TRAPPC13: variants seen among roughly 807,000 people sequenced by gnomAD.
The protein encoded by TRAPPC13 is REV7-interacting novel NHEJ regulator 1.
Under a neutral mutation model 54.0 loss-of-function variants are expected in TRAPPC13, and 39 were observed. The ratio of observed to expected loss-of-function variants is 0.72; its 90% CI spans 0.56 to 0.94. The LOEUF is 0.94. Ranked by LOEUF, TRAPPC13 falls within the 40% of genes least tolerant of loss-of-function variation. The pLI, the probability that TRAPPC13 is intolerant of heterozygous loss-of-function variation, is 0.00. For synonymous variants in TRAPPC13, 148 were observed against 167.7 expected (o/e 0.88, Z 0.91); for missense variants, 386 against 488.1 (o/e 0.79, Z 1.97).
At chr5:65,630,231 G>C in intron 1 of TRAPPC13, 1 of 1,535,874 alleles carries the variant, frequency 6.5e-7, no homozygotes. Flanking sequence ...TGGGTGTTCT[G>C]TGATATTATG....
intron 1 of TRAPPC13, among the ~76,000 whole-genome samples, chr5:65,633,878 A>T (rs1162669614): frequency 6.6e-6 from 1 of 150,900 alleles, no homozygotes; most frequent in African/African-American, 2.4e-5. Context: ...TTTGCACCTT[A>T]TAATGAATAA....
At chr5:65,630,050 A>G in intron 1 of TRAPPC13, 2 of 1,536,110 alleles carry the variant, frequency 1.3e-6, no homozygotes, top group African/African-American at 2.7e-5. Flanking sequence ...ATTGCAAGAT[A>G]GTTTAAAGGC....
At chr5:65,629,647 A>G in intron 1 of TRAPPC13, 7 of 1,536,084 alleles carry the variant, frequency 4.6e-6, no homozygotes, top group Non-Finnish European at 6.1e-6. Context: ...CACAACTGCC[A>G]AAAATTGCAG....
intron 1 of TRAPPC13, among the ~76,000 whole-genome samples, chr5:65,631,914 G>A (rs200072360): frequency 5.5e-4 from 79 of 143,924 alleles, no homozygotes; most frequent in Non-Finnish European, 5.8e-4. Context: ...AGGACACTAA[G>A]AAAAAAAAAA....
intron 1 of TRAPPC13, 55 bp downstream of exon 1, chr5:65,625,161 A>AT: frequency 6.9e-7 from 1 of 1,459,558 alleles, no homozygotes; most frequent in Non-Finnish European, 9.6e-7. Flanking sequence ...TTCCCTACTT[A>AT]TCGAAGCCTT....
At chr5:65,648,989 G>A (rs1756312002) in intron 5 of TRAPPC13, among the ~76,000 whole-genome samples, 1 of 152,110 alleles carries the variant, frequency 6.6e-6, no homozygotes, top group Admixed American at 6.5e-5. Context: ...GCTAAGGTGG[G>A]CAGATCGCTT....
chr5:65,630,268 TAAAG>T, intron 1 of TRAPPC13: 3 of 1,535,368 alleles, frequency 2.0e-6, no homozygotes, highest in Non-Finnish European at 1.7e-6. Context: ...GAAGTCTTCT[TAAAG>T]GAAGATTAGC....
In TRAPPC13 at chr5:65,662,461, G is replaced by T. The variant is rs148790220; in HGVS notation, c.998+311G>T. ...AGGTTCTTATGTATTAATATATTAT[G>T]AATTGAAGTAGCAAGATTTTTTGAG... On this transcript the variant is annotated intron_variant, in intron 11 of 12. Transcript: ENST00000399438. The T allele has an allele frequency of 1.0e-3, 177 of 174,052 alleles. 1 individual carries two copies. Among genetic ancestry groups the T allele is most frequent in the Non-Finnish European group, 1.7e-3 (143 of 83,210 alleles). 10.8% of individuals were successfully genotyped at this position (174,052 alleles called of 1,614,324 possible).
chr5:65,658,121 A>G (rs185390891), intron 8 of TRAPPC13: 21 of 329,840 alleles, frequency 6.4e-5, no homozygotes, highest in Admixed American at 2.9e-4. Context: ...ATGTTAAGAC[A>G]AAATATAGTT....
intron 4 of TRAPPC13, 59 bp from the exon 5 acceptor site, chr5:65,646,996 C>T (rs1756236880): frequency 2.0e-6 from 3 of 1,463,440 alleles, no homozygotes; most frequent in South Asian, 1.4e-5. Context: ...TAGCCATGCA[C>T]ACCCTGTAGG....
chr5:65,639,377 A>G lies in TRAPPC13; in HGVS notation c.300+1597A>G, dbSNP rs144516616. The stretch of plus-strand genomic sequence containing the variant: ...AAAATTAATTAAGAAAAAAAAAAAC[A>G]GGCCTGGCACAGTGGCTCATACCCA... On this transcript the variant is annotated intron_variant, in intron 4 of 12. Transcript: ENST00000399438. Among the ~76,000 whole-genome samples the G allele has an allele frequency of 2.0e-5, 3 of 152,042 alleles. No homozygotes were observed. In the East Asian group the frequency reaches 5.8e-4, roughly 29 times the overall value.
chr5:65,655,878 A>G (rs1756633195), intron 8 of TRAPPC13, among the ~76,000 whole-genome samples: 1 of 151,872 alleles, frequency 6.6e-6, no homozygotes, highest in African/African-American at 2.4e-5. Context: ...TCATACTGAA[A>G]CAATTCTCAT....
At chr5:65,627,197 G>C (rs1278274042) in intron 1 of TRAPPC13, among the ~76,000 whole-genome samples, 2 of 139,964 alleles carry the variant, frequency 1.4e-5, no homozygotes, top group African/African-American at 2.6e-5. Context: ...CTTCAAAATT[G>C]ACTGATAGTT....
chr5:65,659,285 C>G (rs1263055412), intron 9 of TRAPPC13, among the ~76,000 whole-genome samples: 1 of 152,132 alleles, frequency 6.6e-6, no homozygotes, highest in African/African-American at 2.4e-5. Context: ...TAACATGTAT[C>G]CACCATTACT....
intron 4 of TRAPPC13, among the ~76,000 whole-genome samples, chr5:65,642,628 CT>C (rs1430231638): frequency 6.6e-6 from 1 of 151,820 alleles, no homozygotes; most frequent in African/African-American, 2.4e-5. Context: ...TGATTCACTG[CT>C]TTTTATATCC....
At chr5:65,627,185 T>C (rs1206837826) in intron 1 of TRAPPC13, among the ~76,000 whole-genome samples, 1 of 142,064 alleles carries the variant, frequency 7.0e-6, no homozygotes, top group East Asian at 2.0e-4. Context: ...AACGGACAAG[T>C]GCTTCAAAAT....
chr5:65,633,561 C>T (rs7735098), intron 1 of TRAPPC13, among the ~76,000 whole-genome samples: 5,000 of 152,266 alleles, frequency 0.033, 272 homozygotes, highest in African/African-American at 0.11. Context: ...AGCCACTGTG[C>T]CCAGCCAGAT....
intron 4 of TRAPPC13, among the ~76,000 whole-genome samples, chr5:65,646,605 C>T (rs1026682427): frequency 6.6e-6 from 1 of 151,976 alleles, no homozygotes; most frequent in African/African-American, 2.4e-5. Context: ...TCCTAGTATA[C>T]ACATAAAATG....
At chr5:65,646,129 A>C (rs1209274921) in intron 4 of TRAPPC13, among the ~76,000 whole-genome samples, 1 of 152,024 alleles carries the variant, frequency 6.6e-6, no homozygotes, top group Admixed American at 6.5e-5. Flanking sequence ...ATAGATTGTG[A>C]TAAATGTTAC....
Sources: allele counts gnomAD v4.1 joint callset (sites outside exome capture counted in the v4.1 genomes callset), GRCh38; gene constraint gnomAD v4.1.1; transcripts MANE v1.5; gene names NCBI Gene and HGNC (gene_info 2026-07-23, HGNC 2026-07-21).